KCNN1: variants seen among roughly 807,000 people sequenced by gnomAD.
KCNN1 encodes the protein potassium calcium-activated channel subfamily N member 1.
In KCNN1, 20 loss-of-function variants were observed where a neutral mutation model predicts 44.7. The ratio of observed to expected loss-of-function variants is 0.45; its 90% CI spans 0.32 to 0.65. KCNN1 has a LOEUF of 0.65. Ranked by LOEUF, KCNN1 falls within the 30% of genes least tolerant of loss-of-function variation. The pLI is 0.05. For missense variants in KCNN1, 632 were observed against 785.3 expected (o/e 0.80, Z 2.33); for synonymous variants, 324 against 341.7 (o/e 0.95, Z 0.57).
At chr19:17,961,586 C>CTTTTTTTTTTTTTTT (rs60134891) in intron 2 of KCNN1, among the ~76,000 whole-genome samples, 1 of 130,050 alleles carries the variant, frequency 7.7e-6, no homozygotes, top group Non-Finnish European at 1.6e-5. Context: ...TTCTTTCTTT[C>CTTTTTTTTTTTTTTT]TTTTTTTTTT....
chr19:17,980,911 A>G (rs56372685), intron 3 of KCNN1, among the ~76,000 whole-genome samples: 7,098 of 151,916 alleles, frequency 0.047, 216 homozygotes, highest in African/African-American at 0.094. Flanking sequence ...TCTCCAAAAA[A>G]AGGAAAAAGA....
rs1195164051 is a variant in KCNN1 at position 17,998,048 on chromosome 19, C to T, written c.1378-104C>T. The T allele has an allele frequency of 1.5e-6, 2 of 1,342,268 alleles. 1 individual carries two copies. Among genetic ancestry groups the T allele is most frequent in the Non-Finnish European group, 2.0e-6 (2 of 1,010,184 alleles). The allele number at this position is 1,342,268 out of a possible 1,614,324, so 83.1% of individuals were successfully genotyped here. ...GGGCCCCATTAGTGGCTGGCACCCACCTGGAGCGTGTGGGCTGTCCCTCTC... is the reference window on the plus strand; with the variant it reads ...GGGCCCCATTAGTGGCTGGCACCCATCTGGAGCGTGTGGGCTGTCCCTCTC... On this transcript the variant is annotated intron_variant, in intron 9 of 9. Coordinates refer to ENST00000684775, the MANE Select transcript of KCNN1 (RefSeq NM_001386974.1). This position sits in a 1 kb window ranked among gnomAD's most constrained non-coding sequence, Gnocchi z 5.4.
At chr19:17,981,233 A>G (rs533266770) in intron 3 of KCNN1, among the ~76,000 whole-genome samples, 2 of 152,072 alleles carry the variant, frequency 1.3e-5, no homozygotes, top group African/African-American at 4.8e-5. Flanking sequence ...CGACAGAGTG[A>G]GACCCTGTCT....
intron 1 of KCNN1, chr19:17,952,462 G>A (rs1309749729): frequency 1.3e-5 from 2 of 152,258 alleles, no homozygotes; most frequent in South Asian, 2.1e-4. Context: ...TGCGGGAGGA[G>A]GGGGACATCC....
chr19:17,984,013 A>T (rs1182688379), intron 4 of KCNN1, among the ~76,000 whole-genome samples: 3 of 151,882 alleles, frequency 2.0e-5, no homozygotes, highest in African/African-American at 4.8e-5. Flanking sequence ...AAAAAAAAAA[A>T]TTAGATGGGC....
chr19:17,970,122 C>T (rs4458133), intron 1 of KCNN1, among the ~76,000 whole-genome samples: 1 of 151,826 alleles, frequency 6.6e-6, no homozygotes, highest in Non-Finnish European at 1.5e-5. Flanking sequence ...CCACATGAGG[C>T]TAGGTCTCAT....
rs1175326197 is a variant in KCNN1 at position 17,983,813 on chromosome 19, C to T, written c.918-1499C>T. On this transcript the variant is annotated intron_variant, in intron 4 of 9. Transcript: ENST00000684775. The surrounding 1 kb of genome is among the most constrained non-coding windows in gnomAD (Gnocchi z 4.5). ...GACTAGAGGGCACCCCCCCGCCCCT[C>T]CTGCCCTCTGGGGGTCAGGCAGCTT... Among the ~76,000 whole-genome samples the T allele has an allele frequency of 6.6e-6, 1 of 152,078 alleles. No individual in the cohort carries two copies. The highest frequency in any genetic ancestry group is 1.9e-4 in the East Asian group (1 of 5,166).
intron 7 of KCNN1, among the ~76,000 whole-genome samples, chr19:17,990,811 AAAAGAAAGAAAAAG>A (rs2032766430): frequency 6.6e-6 from 1 of 151,270 alleles, no homozygotes; most frequent in African/African-American, 2.4e-5. Context: ...AAAAAAAAAA[AAAAGAAAGAAAAAG>A]AAAAAAAAGA....
intron 3 of KCNN1, among the ~76,000 whole-genome samples, chr19:17,981,259 GAAAGA>G (rs1325361589): frequency 6.7e-6 from 1 of 150,102 alleles, no homozygotes; most frequent in African/African-American, 2.5e-5. Context: ...AAAAGAAAAA[GAAAGA>G]AAAGAGGCTG....
chr19:17,985,495 C>T (rs754005275), intron 5 of KCNN1, 42 bp downstream of exon 5: 3 of 1,496,828 alleles, frequency 2.0e-6, no homozygotes, highest in Non-Finnish European at 2.7e-6. Context: ...GGAGGTCCAG[C>T]CAGCTGCCCG....
At chr19:17,966,007 GCCTGCCTGCCTGCCTGCCTTCCTT>G (rs2031793946), upstream of KCNN1, among the ~76,000 whole-genome samples, 1 of 112,974 alleles carries the variant, frequency 8.9e-6, no homozygotes, top group Non-Finnish European at 1.8e-5. Flanking sequence ...CTGCCTGCCT[GCCTGCCTGCCTGCCTGCCTTCCTT>G]CCTTCCTTCC....
chr19:17,989,893 A>C (rs1394024511), intron 7 of KCNN1, 50 bp downstream of exon 7: 1 of 1,610,416 alleles, frequency 6.2e-7, no homozygotes, highest in Admixed American at 1.7e-5. Context: ...CATGGCGCGG[A>C]GGCAGCCCTC....
At chr19:17,970,176 C>A (rs1354393021) in intron 1 of KCNN1, among the ~76,000 whole-genome samples, 1 of 139,486 alleles carries the variant, frequency 7.2e-6, no homozygotes, top group Non-Finnish European at 1.5e-5. Flanking sequence ...GCCTTACAAG[C>A]TGTGAGGTGC....
intron 9 of KCNN1, among the ~76,000 whole-genome samples, chr19:17,995,191 G>C (rs1241958416): frequency 1.4e-5 from 2 of 143,598 alleles, no homozygotes; most frequent in African/African-American, 5.2e-5. Flanking sequence ...TTTTTTTTCT[G>C]AGACAGGGTC....
chr19:17,994,109 A>G (rs1458624841), intron 9 of KCNN1, among the ~76,000 whole-genome samples: 3 of 152,102 alleles, frequency 2.0e-5, no homozygotes, highest in Admixed American at 2.0e-4. Flanking sequence ...TAATTTGTAT[A>G]GCAATTAAAC....
intron 1 of KCNN1, chr19:17,952,260 C>G (rs1261253891): frequency 6.6e-6 from 1 of 152,016 alleles, no homozygotes; most frequent in East Asian, 1.9e-4. Flanking sequence ...CCGGCTCACA[C>G]GCCCTTGCCC....
At position 17,974,459 on chromosome 19, in the gene KCNN1, C is replaced by T. The variant is rs75590300; in HGVS notation, c.402+169C>T. 8.3e-3 allele frequency among the ~76,000 whole-genome samples: 1,262 copies of T among 152,220 alleles called. 8 individuals are homozygous for T. Among genetic ancestry groups the T allele is most frequent in the African/African-American group, 0.028 (1,155 of 41,542 alleles). On this transcript the variant is annotated intron_variant, in intron 2 of 9. Transcript: ENST00000684775. The surrounding 1 kb of genome is among the most constrained non-coding windows in gnomAD (Gnocchi z 7.3). ...TGCATACCCACCTCCAGGAAGGTAG[C>T]AGGGAGGCTACACATGGAGAAGGAA...
chr19:17,952,065 G>A, intron 1 of KCNN1: 1 of 152,444 alleles, frequency 6.6e-6, no homozygotes, highest in Non-Finnish European at 1.5e-5. Flanking sequence ...GCTTTGGCGA[G>A]AGACCTGGAG....
rs752314585 is a variant in KCNN1, at chr19:17,973,984, C to T, written c.96C>T (p.His32=). 1 of 1,574,412 alleles carries T rather than the reference C, an allele frequency of 6.4e-7. No individual in the cohort carries two copies. Among genetic ancestry groups the T allele is most frequent in the Non-Finnish European group, 8.6e-7 (1 of 1,162,284 alleles). ...ACCCTCCGGACCCTGAGGCCGGCCA[C>T]CCCCCACAACCCCCGCACAGCCCGG... The part of the protein sequence containing the change: ...GRDPPDPEAG[H]PPQPPHSPGL... The change falls in exon 2 of 10, where the codon CAC becomes CAT. Residue 32 remains histidine (H), a synonymous_variant. Transcript: ENST00000684775.
Sources: allele counts gnomAD v4.1 joint callset (sites outside exome capture counted in the v4.1 genomes callset), GRCh38; gene constraint gnomAD v4.1.1; non-coding constraint Gnocchi (gnomAD v3.1); transcripts MANE v1.5; gene names NCBI Gene and HGNC (gene_info 2026-07-23, HGNC 2026-07-21).